ZEB2: variants seen among roughly 807,000 people sequenced by gnomAD.
ZEB2 encodes zinc finger E-box binding homeobox 2.
Under a neutral mutation model 99.9 loss-of-function variants are expected in ZEB2, and 6 were observed. The observed-to-expected ratio is 0.06, with a 90% CI of 0.03 to 0.12. The LOEUF (loss-of-function observed/expected upper bound fraction) is 0.12. Ranked by LOEUF, ZEB2 falls within the 10% of genes least tolerant of loss-of-function variation. The pLI, the probability that ZEB2 is intolerant of heterozygous loss-of-function variation, is 1.00. For synonymous variants in ZEB2, 517 were observed against 542.5 expected (o/e 0.95, Z 0.65); for missense variants, 969 against 1,502.8 (o/e 0.64, Z 5.87).
intron 4 of ZEB2, among the ~76,000 whole-genome samples, chr2:144,418,220 G>C (rs1216589467): frequency 6.6e-6 from 1 of 152,174 alleles, no homozygotes; most frequent in East Asian, 1.9e-4. Flanking sequence ...ACTTGTCTGT[G>C]TAGTTTTCCA....
intron 4 of ZEB2, among the ~76,000 whole-genome samples, chr2:144,418,814 C>T (rs192377425): frequency 2.4e-4 from 37 of 151,768 alleles, no homozygotes; most frequent in Non-Finnish European, 5.0e-4. Flanking sequence ...ACACAATGGA[C>T]TTTGGGGAAA....
At chr2:144,513,556 T>A (rs1425524401) in intron 2 of ZEB2, 1 of 1,530,058 alleles carries the variant, frequency 6.5e-7, no homozygotes, top group South Asian at 1.2e-5. Context: ...GATTTGATTT[T>A]TGCTACAACG....
Position 144,389,171 on chromosome 2 carries a change from G to C in ZEB2, c.*280C>G. ...GTGCAATTCTTACAATTTTCTAGTTGTGCTTAAAGTATAAATGCTATTAAA... is the reference window on the plus strand; with the variant it reads ...GTGCAATTCTTACAATTTTCTAGTTCTGCTTAAAGTATAAATGCTATTAAA... On this transcript the variant is annotated 3_prime_UTR_variant, in exon 10 of 10. Transcript: ENST00000627532. This position sits in a 1 kb window ranked among gnomAD's most constrained non-coding sequence, Gnocchi z 6.8. The C allele has an allele frequency of 1.7e-6, 1 of 580,976 alleles. No homozygotes were observed. Among genetic ancestry groups the C allele is most frequent in the East Asian group, 2.8e-5 (1 of 35,466 alleles). 36.0% of individuals were successfully genotyped at this position (580,976 alleles called of 1,614,324 possible).
At chr2:144,504,107 C>G (rs796827441) in intron 2 of ZEB2, 1 of 92,898 alleles carries the variant, frequency 1.1e-5, no homozygotes, top group African/African-American at 3.7e-5. Context: ...ACAAAAAAAA[C>G]AAACCACCTT....
chr2:144,401,319 G>A lies in ZEB2; in HGVS notation c.808-12C>T. ...GTTAGCATTTGGTGCTATAAAAGGAGAAAGACTGACATCAGTTTTGTGCAG... is the reference window on the plus strand; with the variant it reads ...GTTAGCATTTGGTGCTATAAAAGGAAAAAGACTGACATCAGTTTTGTGCAG... On this transcript the variant is annotated splice_polypyrimidine_tract_variant and intron_variant, in intron 6 of 9. Transcript: ENST00000627532. 6.2e-7 allele frequency: 1 copy of A among 1,613,248 alleles called. No individual in the cohort carries two copies. The highest frequency in any genetic ancestry group is 8.5e-7 in the Non-Finnish European group (1 of 1,179,212).
At chr2:144,429,724 T>C (rs1468786596) in intron 3 of ZEB2, 45 bp downstream of exon 3, 3 of 1,613,564 alleles carry the variant, frequency 1.9e-6, no homozygotes, top group Non-Finnish European at 2.5e-6. Flanking sequence ...TAGTTGAAGA[T>C]GTGAAGATGG....
chr2:144,513,947 T>A, intron 2 of ZEB2: 10 of 1,436,930 alleles, frequency 7.0e-6, no homozygotes, highest in Non-Finnish European at 9.2e-6. Flanking sequence ...CACACATTCT[T>A]GTCTGCGGGC....
intron 4 of ZEB2, among the ~76,000 whole-genome samples, chr2:144,417,541 T>A (rs1313854869): frequency 6.6e-6 from 1 of 152,240 alleles, no homozygotes; most frequent in Non-Finnish European, 1.5e-5. Context: ...CTCAGCATAA[T>A]GTCCTCCAGG....
At chr2:144,452,639 T>C (rs995017064) in intron 2 of ZEB2, among the ~76,000 whole-genome samples, 1 of 152,140 alleles carries the variant, frequency 6.6e-6, no homozygotes, top group African/African-American at 2.4e-5. Context: ...TGTTTGGATT[T>C]CTGTAAATTG....
At chr2:144,416,618 C>A (rs1314315523) in intron 4 of ZEB2, among the ~76,000 whole-genome samples, 1 of 152,192 alleles carries the variant, frequency 6.6e-6, no homozygotes, top group Non-Finnish European at 1.5e-5. Context: ...TCTTCTTCTT[C>A]TGATCTTACT....
rs907394167 is a variant in ZEB2, at chr2:144,517,408, C to G, written c.-58G>C. On this transcript the variant is annotated 5_prime_UTR_variant, in exon 2 of 10. Transcript: ENST00000627532. ...GACTCGGCGCCCTGCTTCGGCAGCA[C>G]GCAGGCTCGATCTAGCAACCAAACA... 4 of 1,598,404 alleles carry G rather than the reference C, an allele frequency of 2.5e-6. No homozygotes were observed. The highest frequency in any genetic ancestry group is 1.7e-5 in the Admixed American group (1 of 59,974).
chr2:144,463,211 C>T (rs188314562), intron 2 of ZEB2: 2 of 152,070 alleles, frequency 1.3e-5, no homozygotes, highest in East Asian at 1.9e-4. Flanking sequence ...GACTCAAAGG[C>T]CTTGAAAGAA....
At chr2:144,509,101 A>G (rs1319763625) in intron 2 of ZEB2, among the ~76,000 whole-genome samples, 1 of 152,182 alleles carries the variant, frequency 6.6e-6, no homozygotes, top group Admixed American at 6.5e-5. Flanking sequence ...TTGTCTGAAT[A>G]ATAAACTGCT....
intron 2 of ZEB2, among the ~76,000 whole-genome samples, chr2:144,481,574 T>C (rs1704511830): frequency 6.6e-6 from 1 of 152,184 alleles, no homozygotes; most frequent in Admixed American, 6.5e-5. Flanking sequence ...TAAATGAGTA[T>C]ACACAGCATC....
chr2:144,442,735 G>T (rs1324645531), intron 2 of ZEB2, among the ~76,000 whole-genome samples: 1 of 152,038 alleles, frequency 6.6e-6, no homozygotes, highest in Non-Finnish European at 1.5e-5. Context: ...TACAAAGCAT[G>T]TATATTTTAA....
chr2:144,519,671 A>G (rs1448403736), intron 1 of ZEB2: 35 of 269,378 alleles, frequency 1.3e-4, no homozygotes, highest in Non-Finnish European at 1.2e-4. Flanking sequence ...ACCTGAATGA[A>G]CAGGTACAGG....
chr2:144,507,853 G>A (rs778861523), intron 2 of ZEB2, among the ~76,000 whole-genome samples: 20 of 152,140 alleles, frequency 1.3e-4, no homozygotes, highest in Non-Finnish European at 2.6e-4. Context: ...GTTGGCAATC[G>A]GAGAATAATT....
intron 2 of ZEB2, among the ~76,000 whole-genome samples, chr2:144,479,495 AGGTAGG>A (rs1488892582): frequency 6.6e-6 from 1 of 152,124 alleles, no homozygotes; most frequent in African/African-American, 2.4e-5. Context: ...TGAATTTTCA[AGGTAGG>A]CCACACTGCA....
chr2:144,394,897 G>A (rs1398961837), intron 9 of ZEB2, among the ~76,000 whole-genome samples: 3 of 151,782 alleles, frequency 2.0e-5, no homozygotes, highest in African/African-American at 4.8e-5. Flanking sequence ...TGATGAGTAC[G>A]AGTACTTCCC....
Sources: gnomAD v4.1 joint callset for allele counts (sites outside exome capture counted in the v4.1 genomes callset) on GRCh38, gnomAD v4.1.1 for gene constraint, Gnocchi (gnomAD v3.1) non-coding constraint, MANE v1.5 for transcripts, NCBI Gene and HGNC (gene_info 2026-07-23, HGNC 2026-07-21) for gene names.